The following RFTN1 variants were observed in gnomAD, a reference collection of about 807,000 sequenced individuals.
RFTN1 encodes the protein raftlin, lipid raft linker 1.
A neutral mutation model predicts 46.5 loss-of-function variants in RFTN1; 26 were observed. That is an observed-to-expected ratio of 0.56 (90% CI 0.41 to 0.78). RFTN1 has a LOEUF of 0.78. Ranked by LOEUF, RFTN1 falls within the 30% of genes least tolerant of loss-of-function variation. The pLI is 0.00. For synonymous variants in RFTN1, 261 were observed against 284.2 expected (o/e 0.92, Z 0.82); for missense variants, 693 against 718.7 (o/e 0.96, Z 0.41).
chr3:16,396,828 T>C (rs2074479848), intron 4 of RFTN1, among the ~76,000 whole-genome samples: 1 of 152,136 alleles, frequency 6.6e-6, no homozygotes, highest in Non-Finnish European at 1.5e-5. Flanking sequence ...TTCGGGAAGC[T>C]GAGGTGGGCG....
At chr3:16,436,975 T>A (rs556536271) in intron 2 of RFTN1, among the ~76,000 whole-genome samples, 1 of 152,202 alleles carries the variant, frequency 6.6e-6, no homozygotes, top group East Asian at 1.9e-4. Context: ...GGTATTTTTA[T>A]TGGGTCATGT....
intron 3 of RFTN1, among the ~76,000 whole-genome samples, chr3:16,432,212 A>G (rs1419568862): frequency 6.6e-6 from 1 of 152,324 alleles, no homozygotes; most frequent in East Asian, 1.9e-4. Flanking sequence ...TCAACAGCCA[A>G]TCAACCTAAA....
chr3:16,389,226 G>T (rs916518896), intron 4 of RFTN1, among the ~76,000 whole-genome samples: 4 of 152,168 alleles, frequency 2.6e-5, no homozygotes, highest in Admixed American at 6.5e-5. Context: ...AAAATACTTT[G>T]TGATTCCCAC....
At chr3:16,488,955 A>G (rs2076496355) in intron 2 of RFTN1, among the ~76,000 whole-genome samples, 2 of 152,246 alleles carry the variant, frequency 1.3e-5, no homozygotes. Context: ...ATGGAAAAAC[A>G]AACTGTGGTA....
intron 9 of RFTN1, among the ~76,000 whole-genome samples, chr3:16,318,890 G>C (rs541903421): frequency 1.8e-4 from 28 of 152,256 alleles, no homozygotes; most frequent in Admixed American, 1.5e-3. Flanking sequence ...CCCAATAATG[G>C]AATCACTCTG....
intron 2 of RFTN1, among the ~76,000 whole-genome samples, chr3:16,464,732 T>G (rs762957023): frequency 6.6e-6 from 1 of 152,270 alleles, no homozygotes. Context: ...CAATAAAATG[T>G]GCATATTGTC....
chr3:16,472,811 G>T (rs2124952147), intron 2 of RFTN1, among the ~76,000 whole-genome samples: 1 of 152,282 alleles, frequency 6.6e-6, no homozygotes, highest in Admixed American at 6.5e-5. Flanking sequence ...TGAAGCTGAA[G>T]CAATTAACAC....
rs769461783 is a variant in RFTN1, at chr3:16,335,350, T to C, written c.1147-8474A>G. 1.3e-5 allele frequency among the ~76,000 whole-genome samples: 2 copies of C among 152,156 alleles called. No homozygotes were observed. Among genetic ancestry groups the C allele is most frequent in the African/African-American group, 2.4e-5 (1 of 41,436 alleles). On this transcript the variant is annotated intron_variant, in intron 7 of 9. Coordinates refer to ENST00000334133, the MANE Select transcript of RFTN1 (RefSeq NM_015150.2). The surrounding 1 kb of genome is among the most constrained non-coding windows in gnomAD (Gnocchi z 4.7). The stretch of plus-strand genomic sequence containing the variant: ...GGCTGAGTGGGAAGGAATCAGCCCT[T>C]GGACAATCCTGCATGGGAAACAGGC...
At position 16,329,029 on chromosome 3, in the gene RFTN1, A is replaced by G. The variant is rs2070019945; in HGVS notation, c.1147-2153T>C. Among the ~76,000 whole-genome samples, 1 of 152,234 alleles carries G rather than the reference A, an allele frequency of 6.6e-6. No individual in the cohort carries two copies. Among genetic ancestry groups the G allele is most frequent in the African/African-American group, 2.4e-5 (1 of 41,464 alleles). On this transcript the variant is annotated intron_variant, in intron 7 of 9. Transcript: ENST00000334133. The surrounding 1 kb of genome is among the most constrained non-coding windows in gnomAD (Gnocchi z 4.5). ...CCATGTGTTGAAAACTTAATCCCCA[A>G]TGCAATGACATTGAATGGTGAGGCC...
chr3:16,417,753 T>C (rs2075111226), intron 3 of RFTN1, among the ~76,000 whole-genome samples: 2 of 152,164 alleles, frequency 1.3e-5, no homozygotes, highest in African/African-American at 4.8e-5. Flanking sequence ...CCAAAGCACA[T>C]AATCTAGACA....
rs1337743294 is a variant in RFTN1 at position 16,422,144 on chromosome 3, A to T, written c.332+11707T>A. On this transcript the variant is annotated intron_variant, in intron 3 of 9. Transcript: ENST00000334133. This position sits in a 1 kb window ranked among gnomAD's most constrained non-coding sequence, Gnocchi z 4.6. ...ACATAGAATTTCCAGAATTATTATG[A>T]AGCTCTCAAATAAAATTTACCTCCA... Among the ~76,000 whole-genome samples, 1 of 152,234 alleles carries T rather than the reference A, an allele frequency of 6.6e-6. No individual in the cohort carries two copies. The highest frequency in any genetic ancestry group is 1.5e-5 in the Non-Finnish European group (1 of 68,044).
chr3:16,461,879 C>T (rs912003514), intron 2 of RFTN1, among the ~76,000 whole-genome samples: 2 of 152,190 alleles, frequency 1.3e-5, no homozygotes, highest in African/African-American at 4.8e-5. Context: ...TAAGCAAATC[C>T]TCTCCATTAT....
intron 7 of RFTN1, among the ~76,000 whole-genome samples, chr3:16,332,340 C>A (rs557608383): frequency 2.5e-5 from 2 of 78,590 alleles, no homozygotes; most frequent in East Asian, 5.4e-4. Flanking sequence ...ATTTTGTCTT[C>A]CAACTTTTAT....
intron 2 of RFTN1, among the ~76,000 whole-genome samples, chr3:16,438,606 A>G (rs1345965220): frequency 1.3e-5 from 2 of 150,126 alleles, no homozygotes; most frequent in African/African-American, 4.9e-5. Flanking sequence ...AAAAAAAAAA[A>G]AAAAAAAAAA....
intron 4 of RFTN1, among the ~76,000 whole-genome samples, chr3:16,396,315 A>T (rs1354030831): frequency 1.3e-5 from 2 of 151,932 alleles, no homozygotes; most frequent in African/African-American, 4.8e-5. Flanking sequence ...TAGAAACAGG[A>T]TTTTTCTCTG....
At chr3:16,354,554 T>C (rs2125326425) in intron 7 of RFTN1, among the ~76,000 whole-genome samples, 1 of 152,352 alleles carries the variant, frequency 6.6e-6, no homozygotes, top group South Asian at 2.1e-4. Context: ...AGCAGCAGCC[T>C]TGATGATCTC....
At chr3:16,495,262 A>G (rs1008664368) in intron 1 of RFTN1, among the ~76,000 whole-genome samples, 1 of 152,238 alleles carries the variant, frequency 6.6e-6, no homozygotes, top group African/African-American at 2.4e-5. Context: ...CTGCATATTT[A>G]ACTGCTGAAA....
At position 16,316,896 on chromosome 3, in the gene RFTN1, G is replaced by A; in HGVS notation, c.1669C>T (p.Pro557Ser). 1 of 1,614,100 alleles carries A rather than the reference G, an allele frequency of 6.2e-7. No homozygotes were observed. Among genetic ancestry groups the A allele is most frequent in the African/African-American group, 1.3e-5 (1 of 75,018 alleles). Residue 557 changes from proline to serine, a missense_variant, in exon 10 of 10, where the codon CCT becomes TCT. Physicochemically the swap from Pro to Ser is moderately conservative, Grantham distance 74 (BLOSUM62 -1). Transcript: ENST00000334133. This position sits in a 1 kb window ranked among gnomAD's most constrained non-coding sequence, Gnocchi z 4.5. Reference protein sequence around the residue: ...LVGICTGHSNPGEDARDGDAE... With the variant: ...LVGICTGHSNSGEDARDGDAE... The stretch of plus-strand genomic sequence containing the variant: ...TCCCCGTCCCTGGCATCCTCTCCAG[G>A]ATTGGAGTGCCCAGTGCAAATCCCC...
At chr3:16,435,281 C>T (rs1166221370) in intron 2 of RFTN1, among the ~76,000 whole-genome samples, 2 of 152,160 alleles carry the variant, frequency 1.3e-5, no homozygotes, top group Admixed American at 6.6e-5. Context: ...TAACAGTATA[C>T]TTTTCGGCCA....
Sources: allele counts gnomAD v4.1 joint callset (sites outside exome capture counted in the v4.1 genomes callset), GRCh38; gene constraint gnomAD v4.1.1; non-coding constraint Gnocchi (gnomAD v3.1); transcripts MANE v1.5; gene names NCBI Gene and HGNC (gene_info 2026-07-23, HGNC 2026-07-21).